Variants in CUBN observed in about 807,000 individuals in gnomAD.
CUBN encodes the protein 460 kDa receptor.
In CUBN, 282 loss-of-function variants were observed where a neutral mutation model predicts 405.3. The ratio of observed to expected loss-of-function variants is 0.70; its 90% CI spans 0.63 to 0.77. The LOEUF is 0.77. CUBN is among the 30% of genes least tolerant of loss of function. The pLI is 0.00. For synonymous variants in CUBN, 1,684 were observed against 1,617.0 expected, an observed-to-expected ratio of 1.04 and a Z score of -0.99; for missense variants, 4,514 against 4,475.2, an observed-to-expected ratio of 1.01 and a Z score of -0.25.
At chr10:17,129,277 T>C (rs1837267512) in intron 1 of CUBN, 27 bp from the exon 2 acceptor site, 1 of 1,610,816 alleles carries the variant, frequency 6.2e-7, no homozygotes, top group Admixed American at 1.7e-5. Flanking sequence ...AGAGAATGCA[T>C]CAGTAATTAG....
intron 50 of CUBN, among the ~76,000 whole-genome samples, chr10:16,904,949 T>C (rs1207328552): frequency 6.6e-6 from 1 of 152,102 alleles, no homozygotes; most frequent in Non-Finnish European, 1.5e-5. Context: ...CTCAGAGAGG[T>C]TGGAGGACTC....
chr10:17,058,850 T>C (rs1294070089), intron 22 of CUBN, among the ~76,000 whole-genome samples: 1 of 152,156 alleles, frequency 6.6e-6, no homozygotes, highest in African/African-American at 2.4e-5. Context: ...TGTGTTGGCA[T>C]GATGCTTATT....
intron 25 of CUBN, 117 bp downstream of exon 25, chr10:17,044,890 T>C: frequency 9.4e-7 from 1 of 1,069,324 alleles, no homozygotes; most frequent in East Asian, 2.5e-5. Context: ...TTTGAATTTT[T>C]ATATGGATGT....
At position 17,043,840 on chromosome 10, in the gene CUBN, A is replaced by G. The variant is rs758935161; in HGVS notation, c.3816T>C (p.Ala1272=). Residue 1272 remains alanine (A), a synonymous_variant, in exon 26 of 67, where the codon GCT becomes GCC. Coordinates refer to ENST00000377833, the MANE Select transcript of CUBN (RefSeq NM_001081.4). The stretch of plus-strand genomic sequence containing the variant: ...ATTCACACTTACTCTGCCGGTATTC[A>G]GCCTTGAAGCCACGTCCTTGCTGAC... The part of the protein sequence containing the change: ...DEGQQGRGFK[A]EYRQTCENVV... 1.2e-6 allele frequency: 2 copies of G among 1,613,294 alleles called. No homozygotes were observed. The highest frequency in any genetic ancestry group is 1.7e-6 in the Non-Finnish European group (2 of 1,179,534).
intron 28 of CUBN, among the ~76,000 whole-genome samples, chr10:16,999,561 A>C (rs775185025): frequency 2.0e-5 from 3 of 152,206 alleles, no homozygotes; most frequent in Non-Finnish European, 4.4e-5. Context: ...AAGACTTCTA[A>C]ACAAAGTTTA....
chr10:17,008,356 T>TGTG (rs1564475531), intron 28 of CUBN, among the ~76,000 whole-genome samples: 2 of 125,630 alleles, frequency 1.6e-5, no homozygotes, highest in Non-Finnish European at 3.4e-5. Context: ...GTGTGTGTGG[T>TGTG]GTGTGTGTGT....
At chr10:16,879,420 C>T (rs565846873) in intron 56 of CUBN, among the ~76,000 whole-genome samples, 1 of 152,178 alleles carries the variant, frequency 6.6e-6, no homozygotes, top group Admixed American at 6.5e-5. Flanking sequence ...TCCACATCAC[C>T]CCAACACACA....
At chr10:17,107,341 T>C (rs1016472596) in intron 10 of CUBN, among the ~76,000 whole-genome samples, 1 of 152,122 alleles carries the variant, frequency 6.6e-6, no homozygotes, top group Non-Finnish European at 1.5e-5. Context: ...GTTGAAATAA[T>C]ACAAGGAAAT....
intron 13 of CUBN, 65 bp from the exon 14 acceptor site, chr10:17,100,304 A>T (rs919115018): frequency 1.8e-5 from 20 of 1,110,060 alleles, no homozygotes; most frequent in Admixed American, 3.7e-5. Context: ...TATTTCTCCC[A>T]CTTCCTAGGC....
At chr10:17,037,982 A>C (rs942534775) in intron 27 of CUBN, among the ~76,000 whole-genome samples, 14 of 147,000 alleles carry the variant, frequency 9.5e-5, no homozygotes, top group East Asian at 6.1e-4. Flanking sequence ...TTCGTCACCC[A>C]GGCTGGAATG....
chr10:16,968,220 A>G (rs1843456176), intron 31 of CUBN, among the ~76,000 whole-genome samples: 3 of 152,222 alleles, frequency 2.0e-5, no homozygotes, highest in Admixed American at 2.0e-4. Flanking sequence ...AAATACAACA[A>G]AAGAGGATGC....
Position 16,890,458 on chromosome 10 carries a change from G to A in CUBN, c.8668C>T (p.Pro2890Ser), listed in dbSNP as rs565959809. 1 of 1,614,098 alleles carries A rather than the reference G, an allele frequency of 6.2e-7. No homozygotes were observed. Among genetic ancestry groups the A allele is most frequent in the East Asian group, 2.2e-5 (1 of 44,864 alleles). ...ATGCGNVAPGPVITPSNTFTA... is the reference protein window; with the variant it reads ...ATGCGNVAPGSVITPSNTFTA... ...AATGTGTTACTTGGTGTGATAACGG[G>A]ACCCGGAGCCACGTTCCCACAGCCA... is the stretch of plus-strand genomic sequence containing the variant. Residue 2890 changes from proline to serine, a missense_variant, in exon 55 of 67, where the codon CCC (proline) becomes TCC (serine). Around this residue, in one of 5 missense-constraint regions of CUBN, gnomAD observed 1,186 missense variants for 1,186.9 expected, o/e 1.00. Coordinates refer to ENST00000377833, the MANE Select transcript of CUBN (RefSeq NM_001081.4).
intron 59 of CUBN, among the ~76,000 whole-genome samples, chr10:16,865,447 G>A (rs1003684539): frequency 2.8e-4 from 42 of 152,150 alleles, no homozygotes; most frequent in African/African-American, 8.2e-4. Flanking sequence ...AGTGGCCCTC[G>A]TCATCAGCAT....
chr10:17,105,337 GTTCC>G, intron 11 of CUBN, 116 bp downstream of exon 11: 1 of 779,690 alleles, frequency 1.3e-6, no homozygotes, highest in Non-Finnish European at 2.4e-6. Context: ...GTTCTCGACA[GTTCC>G]TTATCTGAAA....
In CUBN at chr10:16,851,244, A is replaced by T; in HGVS notation, c.9654T>A (p.Asp3218Glu). Reference sequence around the variant, plus strand: ...AATAAAACAGCCTTACCTTTACATAATCATAAAGGCATCTTTGCCTAGTAC... The same window carrying T: ...AATAAAACAGCCTTACCTTTACATATTCATAAAGGCATCTTTGCCTAGTAC... Reference protein sequence around the residue: ...AASTRQRCLYDYVKLYDGDSE... With the variant: ...AASTRQRCLYEYVKLYDGDSE... Residue 3218 changes from aspartate (D) to glutamate (E), a missense_variant, in exon 60 of 67, where the codon GAT becomes GAA. By Grantham distance (45) the Asp-to-Glu change is conservative. This residue lies in a region of CUBN where 1,186 missense variants were observed against 1,186.9 expected (regional missense o/e 1.00). Coordinates refer to ENST00000377833, the MANE Select transcript of CUBN (RefSeq NM_001081.4). 1 of 1,611,932 alleles carries T rather than the reference A, an allele frequency of 6.2e-7. No homozygotes were observed. The highest frequency in any genetic ancestry group is 1.3e-5 in the African/African-American group (1 of 75,014).
At chr10:16,903,624 T>G (rs943803256) in intron 51 of CUBN, among the ~76,000 whole-genome samples, 1 of 148,002 alleles carries the variant, frequency 6.8e-6, no homozygotes, top group East Asian at 1.9e-4. Flanking sequence ...TACAAAATAA[T>G]TTTAAAATTA....
chr10:17,115,338 G>C, intron 7 of CUBN, 133 bp downstream of exon 7: 1 of 1,044,718 alleles, frequency 9.6e-7, no homozygotes, highest in South Asian at 1.3e-5. Flanking sequence ...CCTCGCCTAT[G>C]TCCTACTTAC....
At chr10:16,864,842 G>C (rs990982562) in intron 59 of CUBN, among the ~76,000 whole-genome samples, 4 of 148,722 alleles carry the variant, frequency 2.7e-5, no homozygotes, top group Non-Finnish European at 4.4e-5. Flanking sequence ...TAGAGACAGG[G>C]TTTCTCCATG....
intron 27 of CUBN, among the ~76,000 whole-genome samples, chr10:17,032,341 T>C (rs542718542): frequency 8.4e-4 from 128 of 152,284 alleles, no homozygotes; most frequent in Non-Finnish European, 1.4e-3. Context: ...AGACGTTAAA[T>C]TCCTTGCCCA....
Sources: gnomAD v4.1 joint callset for allele counts (sites outside exome capture counted in the v4.1 genomes callset) on GRCh38, gnomAD v4.1.1 for gene constraint, gnomAD v4.1.1 regional missense constraint, MANE v1.5 for transcripts, NCBI Gene and HGNC (gene_info 2026-07-23, HGNC 2026-07-21) for gene names.